OSBP2: variants seen among roughly 807,000 people sequenced by gnomAD.
OSBP2 encodes oxysterol binding protein 2, also known as oxysterol-binding protein 2.
Under a neutral mutation model 96.0 loss-of-function variants are expected in OSBP2, and 66 were observed. The ratio of observed to expected loss-of-function variants is 0.69; its 90% CI spans 0.56 to 0.84. The LOEUF (loss-of-function observed/expected upper bound fraction) is 0.84, where lower values mean the gene tolerates loss of function less well. Among genes scored for constraint, OSBP2 ranks in the 40% least tolerant of loss-of-function variants. The probability of loss-of-function intolerance (pLI) is 0.00; values close to 1 mark genes in which losing one functional copy is unlikely to be tolerated. For synonymous variants in OSBP2, 525 were observed against 520.9 expected, an observed-to-expected ratio of 1.01 and a Z score of -0.11; for missense variants, 1,038 against 1,222.7, an observed-to-expected ratio of 0.85 and a Z score of 2.25.
intron 1 of OSBP2, among the ~76,000 whole-genome samples, chr22:30,705,866 A>G (rs2089244432): frequency 6.6e-6 from 1 of 152,124 alleles, no homozygotes; most frequent in African/African-American, 2.4e-5. Context: ...AAGTGTGCAC[A>G]CACCCTGGTT....
chr22:30,767,886 G>A (rs1405211458), intron 2 of OSBP2, among the ~76,000 whole-genome samples: 3 of 152,336 alleles, frequency 2.0e-5, no homozygotes, highest in East Asian at 3.9e-4. Context: ...GGTGAGGGGC[G>A]TGGGTTGGGG....
chr22:30,891,863 C>T (rs1189433121), intron 8 of OSBP2, among the ~76,000 whole-genome samples: 2 of 152,082 alleles, frequency 1.3e-5, no homozygotes, highest in Non-Finnish European at 2.9e-5. Flanking sequence ...GGGAAGTGAA[C>T]AGACACGGCT....
At position 30,870,385 on chromosome 22, in the gene OSBP2, AC is replaced by A; in HGVS notation, c.854-43del. 1 of 1,604,958 alleles carries A rather than the reference AC, an allele frequency of 6.2e-7. No individual in the cohort carries two copies. The highest frequency in any genetic ancestry group is 8.5e-7 in the Non-Finnish European group (1 of 1,176,446). ...CTGGCTGTGCAGGCCTCTTGGTACC[AC>A]GTCTGTTCGTAATGACCGTAACAAC... On this transcript the variant is annotated intron_variant, in intron 2 of 13. Transcript: ENST00000332585. The surrounding 1 kb of genome is among the most constrained non-coding windows in gnomAD (Gnocchi z 4.1).
upstream of OSBP2, chr22:30,694,798 C>CCG: frequency 1.8e-6 from 1 of 559,672 alleles, no homozygotes; most frequent in Non-Finnish European, 2.3e-6. Flanking sequence ...GCGGAGGAAC[C>CCG]CGCGCGCGCC....
intron 2 of OSBP2, among the ~76,000 whole-genome samples, chr22:30,797,890 A>T (rs907273606): frequency 7.2e-5 from 11 of 152,322 alleles, no homozygotes; most frequent in African/African-American, 2.6e-4. Context: ...CACCATACCC[A>T]GCCAATGCTG....
At chr22:30,865,743 T>C (rs1414203246) in intron 2 of OSBP2, among the ~76,000 whole-genome samples, 1 of 151,920 alleles carries the variant, frequency 6.6e-6, no homozygotes, top group Non-Finnish European at 1.5e-5. Context: ...GTCCCAGCTC[T>C]GCACTGGCCA....
chr22:30,744,447 G>T (rs886186790), intron 2 of OSBP2, among the ~76,000 whole-genome samples: 2 of 152,118 alleles, frequency 1.3e-5, no homozygotes, highest in Admixed American at 1.3e-4. Context: ...CCTGCTGGAA[G>T]CCTACTTCCT....
chr22:30,694,402 C>T, upstream of OSBP2: 1 of 1,463,200 alleles, frequency 6.8e-7, no homozygotes, highest in Non-Finnish European at 9.0e-7. Context: ...CCCTGTGCTT[C>T]GTGCGCATTT....
chr22:30,837,731 G>A (rs2038665643), intron 2 of OSBP2, among the ~76,000 whole-genome samples: 1 of 152,178 alleles, frequency 6.6e-6, no homozygotes, highest in African/African-American at 2.4e-5. Flanking sequence ...GCAAAGCCCA[G>A]GGTGCGACAG....
intron 2 of OSBP2, among the ~76,000 whole-genome samples, chr22:30,837,284 A>T (rs1206856854): frequency 3.3e-5 from 5 of 151,016 alleles, no homozygotes; most frequent in Non-Finnish European, 7.4e-5. Flanking sequence ...AAAAAGAAAG[A>T]AAGTTTGCCC....
intron 2 of OSBP2, among the ~76,000 whole-genome samples, chr22:30,796,211 A>T (rs1295577400): frequency 6.6e-6 from 1 of 152,178 alleles, no homozygotes; most frequent in Non-Finnish European, 1.5e-5. Context: ...TTATGTGGAT[A>T]TAGCTTCTTG....
At chr22:30,785,755 C>A (rs1016223330) in intron 2 of OSBP2, among the ~76,000 whole-genome samples, 1 of 152,048 alleles carries the variant, frequency 6.6e-6, no homozygotes, top group Non-Finnish European at 1.5e-5. Flanking sequence ...GATTTCCCCC[C>A]TGCTGTTCCA....
intron 2 of OSBP2, among the ~76,000 whole-genome samples, chr22:30,843,089 T>C (rs1432727815): frequency 6.6e-6 from 1 of 152,146 alleles, no homozygotes; most frequent in Non-Finnish European, 1.5e-5. Context: ...CGGCCTGCAA[T>C]TCAGTTATAT....
At chr22:30,706,009 T>A (rs1052216027) in intron 1 of OSBP2, among the ~76,000 whole-genome samples, 3 of 152,136 alleles carry the variant, frequency 2.0e-5, no homozygotes, top group Non-Finnish European at 4.4e-5. Context: ...GAAAGACAGG[T>A]CTATGAAAAG....
intron 2 of OSBP2, among the ~76,000 whole-genome samples, chr22:30,858,613 T>C (rs1468709718): frequency 6.7e-6 from 1 of 148,838 alleles, no homozygotes; most frequent in East Asian, 2.1e-4. Context: ...GGACGGTGGC[T>C]CACACCTGTA....
intron 2 of OSBP2, among the ~76,000 whole-genome samples, chr22:30,811,171 C>CA (rs962722715): frequency 5.4e-5 from 8 of 148,558 alleles, no homozygotes; most frequent in Non-Finnish European, 7.5e-5. Context: ...ACAACCCCCC[C>CA]CCCACACATA....
At chr22:30,882,441 T>C (rs1417267990) in intron 3 of OSBP2, among the ~76,000 whole-genome samples, 7 of 152,054 alleles carry the variant, frequency 4.6e-5, no homozygotes, top group Non-Finnish European at 7.4e-5. Flanking sequence ...ACACACCTCC[T>C]TGTGGCCTTG....
At chr22:30,722,574 G>A (rs1392932875) in intron 1 of OSBP2, among the ~76,000 whole-genome samples, 1 of 151,858 alleles carries the variant, frequency 6.6e-6, no homozygotes, top group African/African-American at 2.4e-5. Context: ...TTATAATTTT[G>A]TTTATAGTTT....
chr22:30,906,016 G>C lies in OSBP2; in HGVS notation c.2555G>C (p.Arg852Pro). 6.3e-7 allele frequency: 1 copy of C among 1,575,866 alleles called. No homozygotes were observed. Among genetic ancestry groups the C allele is most frequent in the Non-Finnish European group, 8.6e-7 (1 of 1,162,008 alleles). ...QRLEEKQRLS[R>P]RRRLEACGPG... ...CTGGAGGAGAAGCAGCGCCTGTCGCGGCGCCGGCGGCTGGAGGCCTGCGGG... is the reference window on the plus strand; with the variant it reads ...CTGGAGGAGAAGCAGCGCCTGTCGCCGCGCCGGCGGCTGGAGGCCTGCGGG... Residue 852 changes from arginine (R) to proline (P), a missense_variant, in exon 13 of 14, where the codon CGG becomes CCG. By Grantham distance (103) the Arg-to-Pro change is moderately radical (BLOSUM62 -2). Coordinates refer to ENST00000332585, the MANE Select transcript of OSBP2 (RefSeq NM_030758.4).
Sources: allele counts gnomAD v4.1 joint callset (sites outside exome capture counted in the v4.1 genomes callset), GRCh38; gene constraint gnomAD v4.1.1; non-coding constraint Gnocchi (gnomAD v3.1); transcripts MANE v1.5; gene names NCBI Gene and HGNC (gene_info 2026-07-23, HGNC 2026-07-21).